Variants in PDE4D observed in about 807,000 individuals in gnomAD.
The protein encoded by PDE4D is phosphodiesterase 4D, also known as 3',5'-cyclic-AMP phosphodiesterase 4D.
Under a neutral mutation model 87.4 loss-of-function variants are expected in PDE4D, and 24 were observed. The ratio of observed to expected loss-of-function variants is 0.27; its 90% confidence interval spans 0.20 to 0.39. The LOEUF is 0.39. Among genes scored for constraint, PDE4D ranks in the 10% least tolerant of loss-of-function variants. PDE4D has a pLI of 1.00. For missense variants in PDE4D, 714 were observed against 1,041.0 expected, an observed-to-expected ratio of 0.69 and a Z score of 4.32; for synonymous variants, 384 against 383.2, an observed-to-expected ratio of 1.00 and a Z score of -0.02.
intron 1 of PDE4D, among the ~76,000 whole-genome samples, chr5:60,349,174 A>G (rs979369200): frequency 6.6e-6 from 1 of 152,196 alleles, no homozygotes; most frequent in African/African-American, 2.4e-5. Context: ...CATGCAGACT[A>G]TAGTTAATGC....
chr5:60,058,960 A>G (rs1176331578), intron 2 of PDE4D, among the ~76,000 whole-genome samples: 2 of 151,756 alleles, frequency 1.3e-5, no homozygotes, highest in Non-Finnish European at 2.9e-5. Context: ...TGATATCCAT[A>G]CCATTCTTTC....
chr5:59,636,169 T>TA (rs1422282521), intron 1 of PDE4D, among the ~76,000 whole-genome samples: 1 of 152,100 alleles, frequency 6.6e-6, no homozygotes, highest in African/African-American at 2.4e-5. Context: ...GAATACAACT[T>TA]ACAAGGGATG....
intron 1 of PDE4D, among the ~76,000 whole-genome samples, chr5:60,399,558 G>T (rs1010202231): frequency 8.5e-5 from 13 of 152,200 alleles, no homozygotes; most frequent in African/African-American, 3.1e-4. Flanking sequence ...CACAGATCAT[G>T]GTCATAGACA....
At chr5:59,530,836 T>C (rs1814080526) in intron 1 of PDE4D, among the ~76,000 whole-genome samples, 1 of 152,202 alleles carries the variant, frequency 6.6e-6, no homozygotes, top group Non-Finnish European at 1.5e-5. Context: ...TAGCAACAAC[T>C]CAGGATCAAA....
intron 1 of PDE4D, among the ~76,000 whole-genome samples, chr5:59,546,908 TA>T (rs1402066688): frequency 6.6e-6 from 1 of 152,170 alleles, no homozygotes; most frequent in Non-Finnish European, 1.5e-5. Context: ...GTATACTCAC[TA>T]ACTTTACTCA....
At chr5:59,541,823 G>A (rs1296843088) in intron 1 of PDE4D, among the ~76,000 whole-genome samples, 3 of 152,150 alleles carry the variant, frequency 2.0e-5, no homozygotes, top group Non-Finnish European at 4.4e-5. Flanking sequence ...AATCCTGCCA[G>A]GGTGGGACCC....
intron 1 of PDE4D, among the ~76,000 whole-genome samples, chr5:59,330,660 G>T (rs1358138192): frequency 6.6e-6 from 1 of 152,128 alleles, no homozygotes; most frequent in African/African-American, 2.4e-5. Context: ...AGACTTAGCT[G>T]TCAGGAAAAT....
At chr5:59,115,079 G>A (rs907708806) in intron 5 of PDE4D, among the ~76,000 whole-genome samples, 14 of 146,154 alleles carry the variant, frequency 9.6e-5, no homozygotes, top group African/African-American at 3.0e-4. Flanking sequence ...GAGAAGGGGC[G>A]ATAGATGGAG....
chr5:59,920,711 G>C (rs950722774), intron 3 of PDE4D, among the ~76,000 whole-genome samples: 2 of 152,056 alleles, frequency 1.3e-5, no homozygotes, highest in African/African-American at 4.8e-5. Context: ...AACTTTGTAG[G>C]GACACGGATG....
chr5:60,019,400 G>A (rs1351790566), intron 2 of PDE4D, among the ~76,000 whole-genome samples: 1 of 152,150 alleles, frequency 6.6e-6, no homozygotes, highest in Non-Finnish European at 1.5e-5. Flanking sequence ...TTTGAAGCTA[G>A]GCACTGACTT....
chr5:60,243,704 AC>A (rs1334350583), intron 1 of PDE4D, among the ~76,000 whole-genome samples: 3 of 151,996 alleles, frequency 2.0e-5, no homozygotes, highest in African/African-American at 7.2e-5. Context: ...AGAATGAAGA[AC>A]AAAAACCATT....
At chr5:59,901,344 A>G (rs1046864285) in intron 3 of PDE4D, among the ~76,000 whole-genome samples, 6 of 152,224 alleles carry the variant, frequency 3.9e-5, no homozygotes, top group African/African-American at 1.4e-4. Context: ...CTAATTATGT[A>G]TTAAACCACC....
chr5:60,288,727 A>T (rs1752634251), intron 1 of PDE4D, among the ~76,000 whole-genome samples: 1 of 152,240 alleles, frequency 6.6e-6, no homozygotes, highest in African/African-American at 2.4e-5. Flanking sequence ...ATTTACAATG[A>T]ATCATTTATA....
chr5:60,153,593 G>T (rs546477073), intron 2 of PDE4D, among the ~76,000 whole-genome samples: 1 of 152,230 alleles, frequency 6.6e-6, no homozygotes, highest in South Asian at 2.1e-4. Context: ...AGCATTATTC[G>T]CAATAGCCAA....
intron 3 of PDE4D, among the ~76,000 whole-genome samples, chr5:59,934,211 C>A (rs1292757672): frequency 6.6e-6 from 1 of 152,152 alleles, no homozygotes; most frequent in Non-Finnish European, 1.5e-5. Flanking sequence ...AGGTGATCCG[C>A]CCACCTTGGC....
At chr5:59,479,708 A>G (rs1300882516) in intron 1 of PDE4D, among the ~76,000 whole-genome samples, 1 of 152,162 alleles carries the variant, frequency 6.6e-6, no homozygotes, top group Non-Finnish European at 1.5e-5. Flanking sequence ...ATATATGTGT[A>G]TGAATACATA....
At position 58,991,963 on chromosome 5, in the gene PDE4D, C is replaced by A; in HGVS notation, c.1057G>T (p.Glu353Ter). The A allele has an allele frequency of 6.3e-7, 1 of 1,594,922 alleles. No homozygotes were observed. The change falls in exon 8 of 15, where the codon GAA (glutamate) becomes TAA (stop). Residue 353 changes from glutamate to a stop codon, truncating the protein, a stop_gained. Transcript: ENST00000340635. LOFTEE classifies it high-confidence loss of function. ...EVEIPSPTQK[E>*]KEKKKRPMSQ... ...ATTGGTCTTTTCTTTTTCTCCTTTT[C>A]CTTCTGAGTTGGAGAAGGAATTTCC...
chr5:59,910,968 CAG>C (rs760018737), intron 3 of PDE4D, among the ~76,000 whole-genome samples: 3 of 152,178 alleles, frequency 2.0e-5, no homozygotes, highest in Non-Finnish European at 4.4e-5. Flanking sequence ...AAAATTATGA[CAG>C]AGAAAGAGAT....
intron 1 of PDE4D, among the ~76,000 whole-genome samples, chr5:59,706,708 A>G (rs577760560): frequency 5.3e-5 from 8 of 152,288 alleles, no homozygotes; most frequent in Non-Finnish European, 5.9e-5. Context: ...ATTTATAGAG[A>G]TATTTTCAAT....
Sources: gnomAD v4.1 joint callset for allele counts (sites outside exome capture counted in the v4.1 genomes callset) on GRCh38, gnomAD v4.1.1 for gene constraint, MANE v1.5 for transcripts, NCBI Gene and HGNC (gene_info 2026-07-23, HGNC 2026-07-21) for gene names.